The following PEAK1 variants were observed in gnomAD, a reference collection of about 807,000 sequenced individuals.
PEAK1 encodes pseudopodium enriched atypical kinase 1, also known as inactive tyrosine-protein kinase PEAK1.
Under a neutral mutation model 124.7 loss-of-function variants are expected in PEAK1, and 54 were observed. The ratio of observed to expected loss-of-function variants is 0.43; its 90% CI spans 0.35 to 0.54. PEAK1 has a LOEUF of 0.54. Among genes scored for constraint, PEAK1 ranks in the 20% least tolerant of loss-of-function variants. The probability of loss-of-function intolerance (pLI) is 0.01; values close to 1 mark genes in which losing one functional copy is unlikely to be tolerated. For synonymous variants in PEAK1, 719 were observed against 760.0 expected (o/e 0.95, Z 0.89); for missense variants, 2,046 against 2,134.5 (o/e 0.96, Z 0.82).
chr15:77,280,848 A>G (rs548025757), intron 5 of PEAK1, among the ~76,000 whole-genome samples: 1 of 152,256 alleles, frequency 6.6e-6, no homozygotes, highest in African/African-American at 2.4e-5. Flanking sequence ...GCTTCTGACT[A>G]TAAGAGCTGT....
At chr15:77,269,085 C>T (rs1380977109) in intron 5 of PEAK1, among the ~76,000 whole-genome samples, 1 of 150,886 alleles carries the variant, frequency 6.6e-6, no homozygotes, top group Non-Finnish European at 1.5e-5. Flanking sequence ...TCTCACAGGA[C>T]CTATAAAACA....
chr15:77,282,923 G>T (rs964642445), intron 5 of PEAK1, among the ~76,000 whole-genome samples: 1 of 152,064 alleles, frequency 6.6e-6, no homozygotes, highest in Non-Finnish European at 1.5e-5. Flanking sequence ...TTAAAAAGTG[G>T]CTGTAAAAAA....
chr15:77,417,224 G>T, intron 1 of PEAK1: 1 of 479,072 alleles, frequency 2.1e-6, no homozygotes, highest in Non-Finnish European at 2.7e-6. Flanking sequence ...TAAACTCCTT[G>T]CAAAAAGGAA....
chr15:77,400,178 G>A (rs970956939), intron 1 of PEAK1, among the ~76,000 whole-genome samples: 7 of 152,216 alleles, frequency 4.6e-5, no homozygotes, highest in Non-Finnish European at 8.8e-5. Context: ...AGAATGTGGA[G>A]AAAAGGGAAC....
intron 2 of PEAK1, among the ~76,000 whole-genome samples, chr15:77,338,856 A>T (rs1438778810): frequency 6.6e-6 from 1 of 151,948 alleles, no homozygotes; most frequent in Non-Finnish European, 1.5e-5. Flanking sequence ...CTTATAGTAA[A>T]TTGATTATTT....
chr15:77,230,223 G>A (rs1431756584), intron 6 of PEAK1, among the ~76,000 whole-genome samples: 3 of 150,570 alleles, frequency 2.0e-5, no homozygotes, highest in Admixed American at 6.6e-5. Flanking sequence ...TTTTTGACAC[G>A]GAGTCTTGAT....
chr15:77,339,078 T>C (rs1243001289), intron 2 of PEAK1, among the ~76,000 whole-genome samples: 3 of 152,040 alleles, frequency 2.0e-5, no homozygotes, highest in Non-Finnish European at 4.4e-5. Flanking sequence ...CTGCATTGAT[T>C]TTACAATCTG....
intron 7 of PEAK1, among the ~76,000 whole-genome samples, chr15:77,164,425 G>A (rs748575381): frequency 1.3e-5 from 2 of 152,178 alleles, no homozygotes; most frequent in African/African-American, 2.4e-5. Context: ...GGGGAAGACT[G>A]GCAGCAATGT....
intron 9 of PEAK1, among the ~76,000 whole-genome samples, chr15:77,131,488 T>C (rs2052855467): frequency 6.6e-6 from 1 of 151,734 alleles, no homozygotes; most frequent in Non-Finnish European, 1.5e-5. Context: ...TGAGACTCCA[T>C]CTCAAAACAA....
At chr15:77,193,118 A>C (rs995165749) in intron 6 of PEAK1, among the ~76,000 whole-genome samples, 1 of 152,230 alleles carries the variant, frequency 6.6e-6, no homozygotes, top group African/African-American at 2.4e-5. Context: ...TATTCAAACA[A>C]ATTTAACAAG....
At chr15:77,368,807 T>C (rs1270776730) in intron 1 of PEAK1, among the ~76,000 whole-genome samples, 1 of 152,160 alleles carries the variant, frequency 6.6e-6, no homozygotes, top group African/African-American at 2.4e-5. Context: ...ATTACGACTA[T>C]ATGCAGGGGA....
chr15:77,150,477 A>C (rs2152768725), intron 8 of PEAK1, among the ~76,000 whole-genome samples: 1 of 152,254 alleles, frequency 6.6e-6, no homozygotes, highest in African/African-American at 2.4e-5. Flanking sequence ...CAGTCTTCAT[A>C]ACTGAGAATA....
At chr15:77,209,514 A>T (rs1468401660) in intron 6 of PEAK1, among the ~76,000 whole-genome samples, 1 of 152,188 alleles carries the variant, frequency 6.6e-6, no homozygotes, top group Non-Finnish European at 1.5e-5. Flanking sequence ...TAATGCTGAT[A>T]AAAATGTTAT....
intron 5 of PEAK1, 58 bp from the exon 6 acceptor site, chr15:77,252,584 G>T: frequency 1.2e-6 from 1 of 868,300 alleles, no homozygotes; most frequent in Non-Finnish European, 1.4e-6. Flanking sequence ...AAATATATTG[G>T]ACATCTTTTC....
At chr15:77,336,648 C>T (rs1342151740) in intron 2 of PEAK1, 10 of 526,384 alleles carry the variant, frequency 1.9e-5, no homozygotes, top group Non-Finnish European at 2.4e-5. Flanking sequence ...CATCCAACAA[C>T]AGATCAATCA....
intron 7 of PEAK1, among the ~76,000 whole-genome samples, chr15:77,175,025 G>T (rs1365446149): frequency 6.6e-6 from 1 of 151,218 alleles, no homozygotes; most frequent in Non-Finnish European, 1.5e-5. Context: ...TTAATAAATG[G>T]TGCTGGGAAA....
At chr15:77,160,618 G>C (rs1278546008) in intron 7 of PEAK1, among the ~76,000 whole-genome samples, 1 of 152,148 alleles carries the variant, frequency 6.6e-6, no homozygotes, top group Non-Finnish European at 1.5e-5. Flanking sequence ...AGAGGTTGCA[G>C]TGAGCCGAGA....
chr15:77,216,443 C>G (rs942512005), intron 6 of PEAK1, among the ~76,000 whole-genome samples: 3 of 152,164 alleles, frequency 2.0e-5, no homozygotes, highest in Non-Finnish European at 4.4e-5. Context: ...AACATTAATT[C>G]TGCTAAAATT....
chr15:77,347,755 T>A, intron 2 of PEAK1: 6 of 978,416 alleles, frequency 6.1e-6, no homozygotes, highest in Non-Finnish European at 7.3e-6. Context: ...AAATTAGGAG[T>A]TTTTTAAAAG....
Sources: allele counts gnomAD v4.1 joint callset (sites outside exome capture counted in the v4.1 genomes callset), GRCh38; gene constraint gnomAD v4.1.1; transcripts MANE v1.5; gene names NCBI Gene and HGNC (gene_info 2026-07-23, HGNC 2026-07-21).